SCLT1: variants seen among roughly 807,000 people sequenced by gnomAD.
SCLT1 encodes sodium channel-associated protein 1.
SCLT1 carries 78 observed loss-of-function variants against 112.8 expected under a neutral mutation model. That is an observed-to-expected ratio of 0.69 (90% CI 0.58 to 0.83). The LOEUF is 0.83. SCLT1 is among the 40% of genes least tolerant of loss of function. The pLI, the probability that SCLT1 is intolerant of heterozygous loss-of-function variation, is 0.00. For synonymous variants in SCLT1, 257 were observed against 254.7 expected, an observed-to-expected ratio of 1.01 and a Z score of -0.09; for missense variants, 747 against 770.4, an observed-to-expected ratio of 0.97 and a Z score of 0.36.
chr4:129,044,362 A>G (rs1747981094), intron 2 of SCLT1, among the ~76,000 whole-genome samples: 1 of 152,060 alleles, frequency 6.6e-6, no homozygotes, highest in African/African-American at 2.4e-5. Context: ...GGCTATTATT[A>G]TTTACAATTT....
intron 10 of SCLT1, among the ~76,000 whole-genome samples, chr4:128,965,725 T>A (rs186805236): frequency 1.3e-5 from 2 of 152,298 alleles, no homozygotes; most frequent in East Asian, 3.9e-4. Context: ...TAGTGATGAT[T>A]TGACCTATAT....
intron 13 of SCLT1, among the ~76,000 whole-genome samples, 182 bp from the exon 14 acceptor site, chr4:128,953,022 A>C (rs1490840606): frequency 6.6e-6 from 1 of 152,206 alleles, no homozygotes; most frequent in Non-Finnish European, 1.5e-5. Flanking sequence ...AAGGAGAGTG[A>C]ATAGAATGGT....
intron 1 of SCLT1, among the ~76,000 whole-genome samples, chr4:129,092,687 A>G (rs1308840790): frequency 8.5e-5 from 13 of 152,208 alleles, no homozygotes; most frequent in Admixed American, 8.5e-4. Flanking sequence ...GTTCTTCCAT[A>G]GTGTCTGGTA....
intron 5 of SCLT1, among the ~76,000 whole-genome samples, chr4:129,029,490 A>T (rs769775654): frequency 8.2e-5 from 12 of 146,946 alleles, no homozygotes; most frequent in Admixed American, 1.4e-4. Context: ...GAACACATGG[A>T]CACAGGAAGG....
At chr4:128,937,360 T>C (rs1737299183) in intron 17 of SCLT1, among the ~76,000 whole-genome samples, 1 of 152,096 alleles carries the variant, frequency 6.6e-6, no homozygotes, top group African/African-American at 2.4e-5. Context: ...TAATGTTATG[T>C]CAGTAAAACT....
intron 18 of SCLT1, among the ~76,000 whole-genome samples, chr4:128,932,594 T>C (rs2125977530): frequency 6.6e-6 from 1 of 152,226 alleles, no homozygotes; most frequent in African/African-American, 2.4e-5. Context: ...CTATTCCATA[T>C]GGTACTGAAA....
intron 2 of SCLT1, among the ~76,000 whole-genome samples, chr4:129,058,960 C>T (rs1749704585): frequency 6.6e-6 from 1 of 152,054 alleles, no homozygotes; most frequent in East Asian, 1.9e-4. Flanking sequence ...AGATTATATC[C>T]TCCTTTCTGA....
chr4:129,046,929 C>T (rs969550841), intron 2 of SCLT1, among the ~76,000 whole-genome samples: 4 of 152,060 alleles, frequency 2.6e-5, no homozygotes, highest in African/African-American at 9.7e-5. Context: ...GTCTTTTCTA[C>T]AGTTACAAAG....
chr4:128,965,646 C>T (rs181628909), intron 10 of SCLT1, among the ~76,000 whole-genome samples: 40 of 152,136 alleles, frequency 2.6e-4, no homozygotes, highest in Non-Finnish European at 3.1e-4. Context: ...TTAGAATATG[C>T]TCTCTTAACT....
At chr4:128,890,964 G>A (rs1489293091) in intron 19 of SCLT1, 95 bp downstream of exon 19, 1 of 786,312 alleles carries the variant, frequency 1.3e-6, no homozygotes, top group South Asian at 1.6e-5. Flanking sequence ...TTATTTCCAA[G>A]TAGAGAAATA....
intron 1 of SCLT1, among the ~76,000 whole-genome samples, chr4:129,083,903 A>G (rs1465945830): frequency 6.6e-6 from 1 of 152,186 alleles, no homozygotes; most frequent in Non-Finnish European, 1.5e-5. Flanking sequence ...AAGCCCAGAA[A>G]ATAAAGAAAT....
chr4:129,084,693 T>C (rs920541464), intron 1 of SCLT1, among the ~76,000 whole-genome samples: 4 of 151,892 alleles, frequency 2.6e-5, no homozygotes, highest in African/African-American at 9.7e-5. Context: ...CAATGGAACA[T>C]AATAGTGAAC....
At chr4:128,978,650 C>G (rs1052224198) in intron 9 of SCLT1, among the ~76,000 whole-genome samples, 1 of 151,890 alleles carries the variant, frequency 6.6e-6, no homozygotes, top group African/African-American at 2.4e-5. Flanking sequence ...GGGCTGAATC[C>G]AAACTGAAGA....
intron 18 of SCLT1, among the ~76,000 whole-genome samples, chr4:128,932,484 T>G (rs1736855012): frequency 6.6e-6 from 1 of 152,158 alleles, no homozygotes; most frequent in Non-Finnish European, 1.5e-5. Context: ...AAATGGTATA[T>G]ATGACAAATC....
At chr4:129,012,628 T>C (rs1042777762) in intron 5 of SCLT1, among the ~76,000 whole-genome samples, 2 of 151,992 alleles carry the variant, frequency 1.3e-5, no homozygotes, top group Non-Finnish European at 2.9e-5. Context: ...TGTTAAAGAC[T>C]TCCACTACTA....
At chr4:128,981,658 G>A (rs911519620) in intron 9 of SCLT1, among the ~76,000 whole-genome samples, 7 of 149,446 alleles carry the variant, frequency 4.7e-5, no homozygotes, top group African/African-American at 1.2e-4. Context: ...CCCCCTACCC[G>A]CCAAATTATC....
intron 6 of SCLT1, among the ~76,000 whole-genome samples, chr4:129,001,894 C>G (rs1171648248): frequency 4.6e-5 from 7 of 151,918 alleles, no homozygotes. Context: ...AAATTAATTT[C>G]TATTTAATCC....
At chr4:128,940,537 C>A (rs903836022) in intron 17 of SCLT1, among the ~76,000 whole-genome samples, 1 of 151,640 alleles carries the variant, frequency 6.6e-6, no homozygotes, top group African/African-American at 2.4e-5. Context: ...AATATAAATG[C>A]ATTATAAATT....
At chr4:129,004,491 T>C (rs1476885023) in intron 5 of SCLT1, among the ~76,000 whole-genome samples, 2 of 151,988 alleles carry the variant, frequency 1.3e-5, no homozygotes, top group East Asian at 1.9e-4. Context: ...AGATATTTCA[T>C]GCCTTAACTA....
Sources: gnomAD v4.1 joint callset for allele counts (sites outside exome capture counted in the v4.1 genomes callset) on GRCh38, gnomAD v4.1.1 for gene constraint, MANE v1.5 for transcripts, NCBI Gene and HGNC (gene_info 2026-07-23, HGNC 2026-07-21) for gene names.